Variants in MYO1E observed in about 807,000 individuals in gnomAD.
The protein encoded by MYO1E is myosin IE.
MYO1E carries 68 observed loss-of-function variants against 151.1 expected under a neutral mutation model. That is an observed-to-expected ratio of 0.45 (90% CI 0.37 to 0.55). The LOEUF is 0.55. Among genes scored for constraint, MYO1E ranks in the 20% least tolerant of loss-of-function variants. MYO1E has a pLI of 0.00. For missense variants in MYO1E, 1,363 were observed against 1,389.3 expected (o/e 0.98, Z 0.30); for synonymous variants, 601 against 501.7 (o/e 1.20, Z -2.64).
chr15:59,136,134 TC>T lies in MYO1E; in HGVS notation c.*1245del, dbSNP rs1456966042. ...TCTCCCTGCCTTTTCACATGGTCTTTCCTCTGGCATGTTGGTCTCTGTGTCC... is the reference window on the plus strand; with the variant it reads ...TCTCCCTGCCTTTTCACATGGTCTTTCTCTGGCATGTTGGTCTCTGTGTCC... On this transcript the variant is annotated 3_prime_UTR_variant, in exon 28 of 28. Coordinates refer to ENST00000288235, the MANE Select transcript of MYO1E (RefSeq NM_004998.4). 3.3e-5 allele frequency: 5 copies of T among 152,574 alleles called. No homozygotes were observed. The highest frequency in any genetic ancestry group is 9.7e-5 in the African/African-American group (4 of 41,436). The allele number at this position is 152,574 out of a possible 1,614,324, so 9.5% of individuals were successfully genotyped here. A position where few individuals can be genotyped will look rare whatever the true frequency, so the allele number is the denominator to read the frequency against.
At chr15:59,226,760 T>C (rs2079994165) in intron 7 of MYO1E, among the ~76,000 whole-genome samples, 2 of 152,214 alleles carry the variant, frequency 1.3e-5, no homozygotes, top group South Asian at 2.1e-4. Context: ...TGAGCCAAGA[T>C]TGTGCCACTG....
chr15:59,224,581 C>T lies in MYO1E; in HGVS notation c.777+108G>A, dbSNP rs375467837. ...TACAGAGTGCTCACAGAGAAAGAGG[C>T]GGACATTTCATGCAGCTCTTTGCTT... On this transcript the variant is annotated intron_variant, in intron 8 of 27. Coordinates refer to ENST00000288235, the MANE Select transcript of MYO1E (RefSeq NM_004998.4). 26 of 1,443,368 alleles carry T rather than the reference C, an allele frequency of 1.8e-5. No individual in the cohort carries two copies. In the African/African-American group the frequency reaches 2.1e-4, roughly 12 times the overall value. 89.4% of individuals were successfully genotyped at this position (1,443,368 alleles called of 1,614,324 possible).
Position 59,142,383 on chromosome 15 carries a change from C to T in MYO1E, c.3081-4016G>A, listed in dbSNP as rs570643243. On this transcript the variant is annotated intron_variant, in intron 26 of 27. Coordinates refer to ENST00000288235, the MANE Select transcript of MYO1E (RefSeq NM_004998.4). ...GCTGAAGGACTCCCCTCGCCAGGGT[C>T]GGGGTAAGACCTCTTAGTGGGAAGA... 4.5e-4 allele frequency among the ~76,000 whole-genome samples: 69 copies of T among 152,202 alleles called. No homozygotes were observed. The South Asian group carries it at 5.0e-3, about 11-fold the overall frequency.
At chr15:59,319,700 T>C (rs1392613241) in intron 1 of MYO1E, among the ~76,000 whole-genome samples, 1 of 151,670 alleles carries the variant, frequency 6.6e-6, no homozygotes, top group Non-Finnish European at 1.5e-5. Context: ...GGTCAGGAGT[T>C]TGAGACCAGC....
At chr15:59,309,396 G>A (rs1182445523) in intron 1 of MYO1E, among the ~76,000 whole-genome samples, 1 of 152,204 alleles carries the variant, frequency 6.6e-6, no homozygotes, top group Non-Finnish European at 1.5e-5. Context: ...TGAATTTTCT[G>A]ACTTGTCAAA....
chr15:59,268,720 A>ATTTTTGTTTTTTTTTTTTTTTTTTTTTTT (rs2080271424), intron 2 of MYO1E, among the ~76,000 whole-genome samples: 2 of 44,916 alleles, frequency 4.5e-5, no homozygotes, highest in Non-Finnish European at 9.8e-5. Flanking sequence ...TGACTTTGGT[A>ATTTTTGTTTTTTTTTTTTTTTTTTTTTTT]TTTTTTTTTT....
chr15:59,157,911 G>A (rs1251298289), intron 25 of MYO1E, among the ~76,000 whole-genome samples: 1 of 152,226 alleles, frequency 6.6e-6, no homozygotes, highest in Non-Finnish European at 1.5e-5. Context: ...CCGGAGCTGG[G>A]TAGTGGTGGT....
At chr15:59,202,956 G>A (rs4775128) in intron 15 of MYO1E, among the ~76,000 whole-genome samples, 69,541 of 152,060 alleles carry the variant, frequency 0.46, 19,525 homozygotes, top group Non-Finnish European at 0.65. Flanking sequence ...ATGTTTCCCA[G>A]GCTGGTCTCA....
chr15:59,238,906 A>T (rs1489499190), intron 4 of MYO1E, among the ~76,000 whole-genome samples: 1 of 150,032 alleles, frequency 6.7e-6, no homozygotes, highest in Non-Finnish European at 1.5e-5. Context: ...ATAATTTTCT[A>T]TTTTTTTTAG....
At chr15:59,148,448 G>A (rs976900737) in intron 26 of MYO1E, among the ~76,000 whole-genome samples, 16 of 152,160 alleles carry the variant, frequency 1.1e-4, no homozygotes, top group Non-Finnish European at 1.5e-4. Context: ...CTGCAGATGG[G>A]AAATTTATGT....
At chr15:59,273,506 A>C (rs755437526) in intron 1 of MYO1E, among the ~76,000 whole-genome samples, 1 of 152,200 alleles carries the variant, frequency 6.6e-6, no homozygotes, top group South Asian at 2.1e-4. Flanking sequence ...AAACACACAC[A>C]AAATGGGTGT....
chr15:59,148,288 C>T (rs994554052), intron 26 of MYO1E, among the ~76,000 whole-genome samples: 3 of 152,158 alleles, frequency 2.0e-5, no homozygotes, highest in Non-Finnish European at 2.9e-5. Context: ...CCAGGACTCA[C>T]CCTACTCTTA....
intron 1 of MYO1E, among the ~76,000 whole-genome samples, chr15:59,325,696 T>A (rs565851499): frequency 6.6e-6 from 1 of 152,246 alleles, no homozygotes; most frequent in Non-Finnish European, 1.5e-5. Context: ...TAGTTAAGAT[T>A]AAACCATTAA....
At chr15:59,196,986 C>CTTTTTTTTTTTTTTTTTTTT (rs71977305) in intron 16 of MYO1E, among the ~76,000 whole-genome samples, 3 of 71,512 alleles carry the variant, frequency 4.2e-5, no homozygotes, top group African/African-American at 5.1e-5. Flanking sequence ...TTAATTACGA[C>CTTTTTTTTTTTTTTTTTTTT]TTTTTTTTTT....
In MYO1E at chr15:59,372,497, C is replaced by T. The variant is rs543195936; in HGVS notation, c.3+1G>A. ...CCTAGGACGCGGCGCGGCCAACTCA[C>T]CATGGTGACTCGCGCCGCGGTCGCG... On this transcript the variant is annotated splice_donor_variant, in intron 1 of 27. Coordinates refer to ENST00000288235, the MANE Select transcript of MYO1E (RefSeq NM_004998.4). LOFTEE classifies it high-confidence loss of function. 2.0e-6 allele frequency: 3 copies of T among 1,538,288 alleles called. No individual in the cohort carries two copies. The highest frequency in any genetic ancestry group is 2.7e-5 in the African/African-American group (2 of 72,896).
chr15:59,281,168 C>A (rs2080351013), intron 1 of MYO1E, among the ~76,000 whole-genome samples: 1 of 152,198 alleles, frequency 6.6e-6, no homozygotes, highest in Admixed American at 6.5e-5. Context: ...AATATTAACA[C>A]CATTTGAAGC....
chr15:59,356,682 A>G (rs1053127397), intron 1 of MYO1E, among the ~76,000 whole-genome samples: 26 of 151,748 alleles, frequency 1.7e-4, no homozygotes, highest in African/African-American at 6.0e-4. Context: ...GGCTCCAGCA[A>G]TCCTCCCACA....
intron 8 of MYO1E, 51 bp downstream of exon 8, chr15:59,224,638 A>C (rs1566984505): frequency 2.5e-6 from 4 of 1,612,698 alleles, no homozygotes; most frequent in Non-Finnish European, 3.4e-6. Flanking sequence ...TGGCCACAGG[A>C]AATGGCCAGT....
chr15:59,201,313 C>T (rs908355019), intron 16 of MYO1E, among the ~76,000 whole-genome samples: 1 of 151,360 alleles, frequency 6.6e-6, no homozygotes, highest in Non-Finnish European at 1.5e-5. Flanking sequence ...AGGTTGGTCT[C>T]GAACTCCTGG....
Sources: allele counts gnomAD v4.1 joint callset (sites outside exome capture counted in the v4.1 genomes callset), GRCh38; gene constraint gnomAD v4.1.1; transcripts MANE v1.5; gene names NCBI Gene and HGNC (gene_info 2026-07-23, HGNC 2026-07-21).